Variants in WASHC4 observed in about 807,000 individuals in gnomAD.
The protein encoded by WASHC4 is WASH complex subunit 7.
WASHC4 carries 86 observed loss-of-function variants against 166.6 expected under a neutral mutation model. That is an observed-to-expected ratio of 0.52 (90% CI 0.43 to 0.62). The LOEUF (loss-of-function observed/expected upper bound fraction) is 0.62. Among genes scored for constraint, WASHC4 ranks in the 20% least tolerant of loss-of-function variants. WASHC4 has a pLI of 0.00. For synonymous variants in WASHC4, 446 were observed against 451.6 expected (o/e 0.99, Z 0.16); for missense variants, 1,262 against 1,382.4 (o/e 0.91, Z 1.38).
chr12:105,111,136 G>A lies in WASHC4; in HGVS notation c.73G>A (p.Glu25Lys). ...AAATTTAAACTTAGAAATTCATGCC[G>A]AAGTCCAACTTAAGAATTATGGGAA... ...VDDGSQKIHA[E>K]VQLKNYGKFL... Residue 25 changes from glutamate (E) to lysine (K), a missense_variant, in exon 2 of 33, where the codon GAA becomes AAA. Glu to Lys is a moderately conservative substitution (Grantham distance 56). Transcript: ENST00000332180. 6 of 1,603,726 alleles carry A rather than the reference G, an allele frequency of 3.7e-6. No homozygotes were observed. Among genetic ancestry groups the A allele is most frequent in the South Asian group, 1.1e-5 (1 of 90,890 alleles).
intron 15 of WASHC4, among the ~76,000 whole-genome samples, 184 bp from the exon 16 acceptor site, chr12:105,140,110 A>T (rs1196809): frequency 6.6e-6 from 1 of 151,860 alleles, no homozygotes; most frequent in African/African-American, 2.4e-5. Flanking sequence ...TGACCTGGTG[A>T]TCCACCTGCC....
chr12:105,119,913 C>A (rs1483745833), intron 7 of WASHC4, among the ~76,000 whole-genome samples: 2 of 152,158 alleles, frequency 1.3e-5, no homozygotes, highest in African/African-American at 2.4e-5. Context: ...TCAAACCCAA[C>A]TGAAGAGAGG....
rs1005397977 is a variant in WASHC4, at chr12:105,120,708, G to A, written c.561+111G>A. On this transcript the variant is annotated intron_variant, in intron 8 of 32. Transcript: ENST00000332180. ...CATAGGAACACTCTTAAAGAGGCGT[G>A]TGTGTGTGTGTGTGTTTGTGTGTGT... 24 of 706,146 alleles carry A rather than the reference G, an allele frequency of 3.4e-5. No individual in the cohort carries two copies. In the East Asian group the frequency reaches 6.2e-4, roughly 18 times the overall value. 43.7% of individuals were successfully genotyped at this position (706,146 alleles called of 1,614,324 possible). A position where few individuals can be genotyped will look rare whatever the true frequency, so the allele number is the denominator to read the frequency against.
chr12:105,157,809 G>A (rs548903656), intron 28 of WASHC4, among the ~76,000 whole-genome samples: 93 of 152,262 alleles, frequency 6.1e-4, no homozygotes, highest in African/African-American at 2.1e-3. Flanking sequence ...TGCGACTGGG[G>A]AATTGAAGTG....
chr12:105,164,767 G>T, intron 32 of WASHC4, 27 bp downstream of exon 32: 1 of 1,493,792 alleles, frequency 6.7e-7, no homozygotes, highest in South Asian at 1.1e-5. Context: ...AATTTGGAAA[G>T]ACCAATAAAT....
chr12:105,118,211 T>A (rs565023243), intron 6 of WASHC4, among the ~76,000 whole-genome samples: 1 of 152,242 alleles, frequency 6.6e-6, no homozygotes, highest in East Asian at 1.9e-4. Flanking sequence ...AGACTTGAAA[T>A]AGGAGTATGA....
At chr12:105,108,785 T>C (rs1879340298) in intron 1 of WASHC4, among the ~76,000 whole-genome samples, 1 of 152,200 alleles carries the variant, frequency 6.6e-6, no homozygotes, top group South Asian at 2.1e-4. Context: ...ACGTTGCTTT[T>C]AAAAATTCCG....
intron 14 of WASHC4, among the ~76,000 whole-genome samples, chr12:105,135,310 A>G (rs1882211942): frequency 6.6e-6 from 1 of 151,882 alleles, no homozygotes; most frequent in Admixed American, 6.6e-5. Flanking sequence ...TCATTAATAC[A>G]AGTCTCTGTT....
chr12:105,142,843 A>G (rs1378622163), intron 19 of WASHC4, among the ~76,000 whole-genome samples: 3 of 152,098 alleles, frequency 2.0e-5, no homozygotes, highest in South Asian at 2.1e-4. Flanking sequence ...TTACAATGCA[A>G]AAGAAAAAAT....
chr12:105,160,666 A>AT (rs1884441927), intron 29 of WASHC4, among the ~76,000 whole-genome samples: 1 of 151,934 alleles, frequency 6.6e-6, no homozygotes, highest in Non-Finnish European at 1.5e-5. Flanking sequence ...ATAGATTCTT[A>AT]TTTTTTTTAA....
chr12:105,136,390 A>G (rs536098514), intron 14 of WASHC4, among the ~76,000 whole-genome samples: 1 of 151,982 alleles, frequency 6.6e-6, no homozygotes, highest in African/African-American at 2.4e-5. Context: ...ATCCTCTTTG[A>G]TGCCTTATGA....
rs1210174389 is a variant in WASHC4, at chr12:105,108,345, C to T, written c.61+484C>T. 2.0e-5 allele frequency among the ~76,000 whole-genome samples: 3 copies of T among 152,218 alleles called. No homozygotes were observed. In the South Asian group the frequency reaches 6.2e-4, roughly 32 times the overall value. On this transcript the variant is annotated intron_variant, in intron 1 of 32. Transcript: ENST00000332180. The stretch of plus-strand genomic sequence containing the variant: ...CTTTTGCAAGTTTGGGTGTCTTTCC[C>T]ATCGCGTTGCTATAACCGTAGAAGG...
At position 105,142,526 on chromosome 12, in the gene WASHC4, T is replaced by C; in HGVS notation, c.1861T>C (p.Tyr621His). 1.9e-6 allele frequency: 3 copies of C among 1,602,570 alleles called. No homozygotes were observed. Among genetic ancestry groups the C allele is most frequent in the Non-Finnish European group, 2.6e-6 (3 of 1,170,588 alleles). The change falls in exon 19 of 33, where the codon TAT becomes CAT. Residue 621 changes from tyrosine (Y) to histidine (H), a missense_variant. Transcript: ENST00000332180. ...CTTCCCAATTTATTTAGATGATGTA[T>C]ATGAAAATGCTGTTGATGCAGCCAG... Reference protein sequence around the residue: ...AVFPIYLDDVYENAVDAARLH... With the variant: ...AVFPIYLDDVHENAVDAARLH...
intron 7 of WASHC4, among the ~76,000 whole-genome samples, chr12:105,119,538 C>A (rs773346179): frequency 5.9e-5 from 9 of 152,070 alleles, no homozygotes; most frequent in Non-Finnish European, 1.2e-4. Flanking sequence ...TTAACTGTTT[C>A]TTATTCTCCC....
At chr12:105,143,316 T>G (rs1424862414) in intron 20 of WASHC4, 73 bp downstream of exon 20, 1 of 837,180 alleles carries the variant, frequency 1.2e-6, no homozygotes, top group African/African-American at 1.7e-5. Flanking sequence ...AATGTTCGAT[T>G]GAAGCAGACT....
chr12:105,120,099 A>G (rs895729817), intron 7 of WASHC4, among the ~76,000 whole-genome samples: 1 of 152,254 alleles, frequency 6.6e-6, no homozygotes, highest in Admixed American at 6.5e-5. Context: ...AAACAAAAAA[A>G]CAAAAGACAA....
chr12:105,119,463 T>C (rs1338697208), intron 7 of WASHC4, among the ~76,000 whole-genome samples: 1 of 152,238 alleles, frequency 6.6e-6, no homozygotes, highest in Admixed American at 6.5e-5. Context: ...ACTGTTCTTT[T>C]GGTCACCAGC....
intron 6 of WASHC4, among the ~76,000 whole-genome samples, chr12:105,117,419 TTA>T (rs1565994736): frequency 6.6e-6 from 1 of 152,114 alleles, no homozygotes; most frequent in African/African-American, 2.4e-5. Flanking sequence ...TAGGTCTATC[TTA>T]TATAGTCTGT....
At chr12:105,142,689 A>G in intron 19 of WASHC4, 131 bp downstream of exon 19, 1 of 634,448 alleles carries the variant, frequency 1.6e-6, no homozygotes, top group Non-Finnish European at 2.8e-6. Flanking sequence ...GCATATTCAT[A>G]AAGTGTTTAT....
Sources: allele counts gnomAD v4.1 joint callset (sites outside exome capture counted in the v4.1 genomes callset), GRCh38; gene constraint gnomAD v4.1.1; transcripts MANE v1.5; gene names NCBI Gene and HGNC (gene_info 2026-07-23, HGNC 2026-07-21).